The following TEX36 variants were observed in gnomAD, a reference collection of about 807,000 sequenced individuals.
The protein encoded by TEX36 is testis expressed 36, also known as testis-expressed protein 36.
In TEX36, 12 loss-of-function variants were observed where a neutral mutation model predicts 13.6. That is an observed-to-expected ratio of 0.88 (90% CI 0.56 to 1.43). The LOEUF (loss-of-function observed/expected upper bound fraction) is 1.43. Ranked by LOEUF, TEX36 falls within the 40% of genes most tolerant of loss-of-function variation. TEX36 has a pLI of 0.00. For synonymous variants in TEX36, 93 were observed against 83.0 expected (o/e 1.12, Z -0.65); for missense variants, 224 against 228.3 (o/e 0.98, Z 0.12).
intron 3 of TEX36, among the ~76,000 whole-genome samples, chr10:125,641,882 T>A (rs975791088): frequency 1.3e-5 from 2 of 152,226 alleles, no homozygotes; most frequent in Non-Finnish European, 2.9e-5. Context: ...TTGAGAATTG[T>A]GAGGTGGTTG....
At chr10:125,585,125 T>C (rs1482500318) in intron 3 of TEX36, among the ~76,000 whole-genome samples, 1 of 152,170 alleles carries the variant, frequency 6.6e-6, no homozygotes, top group African/African-American at 2.4e-5. Context: ...ACAAATGCTG[T>C]GTGATGAGTC....
chr10:125,630,050 AG>A (rs1416229925), intron 3 of TEX36, among the ~76,000 whole-genome samples: 1 of 152,246 alleles, frequency 6.6e-6, no homozygotes, highest in Non-Finnish European at 1.5e-5. Flanking sequence ...GCCAAGCCAT[AG>A]GGCCTAGTCC....
chr10:125,626,661 T>A (rs1479449129), intron 3 of TEX36, among the ~76,000 whole-genome samples: 1 of 152,040 alleles, frequency 6.6e-6, no homozygotes, highest in African/African-American at 2.4e-5. Context: ...ACAGAGGCCA[T>A]GAAGTGGGGA....
chr10:125,653,319 GAGTT>G (rs1172990848), downstream of TEX36, among the ~76,000 whole-genome samples: 3 of 152,210 alleles, frequency 2.0e-5, no homozygotes, highest in Admixed American at 2.0e-4. Context: ...AAAAAAGGAT[GAGTT>G]CATGTCCTTT....
At chr10:125,598,166 TAA>T (rs567430231) in intron 3 of TEX36, among the ~76,000 whole-genome samples, 62 of 152,274 alleles carry the variant, frequency 4.1e-4, no homozygotes, top group Non-Finnish European at 6.5e-4. Flanking sequence ...ACAGGTTTCC[TAA>T]GTCTCCAGTG....
intron 3 of TEX36, among the ~76,000 whole-genome samples, chr10:125,615,446 A>T: frequency 6.6e-6 from 1 of 152,046 alleles, no homozygotes; most frequent in Non-Finnish European, 1.5e-5. Context: ...TATTATTTTG[A>T]GATACATCCC....
chr10:125,614,617 C>T (rs947062252), intron 3 of TEX36, among the ~76,000 whole-genome samples: 8 of 152,068 alleles, frequency 5.3e-5, no homozygotes, highest in African/African-American at 1.9e-4. Context: ...TTTCTGAGGG[C>T]TCTGTTCTGT....
At chr10:125,607,853 C>G (rs146235205) in intron 3 of TEX36, among the ~76,000 whole-genome samples, 52 of 152,260 alleles carry the variant, frequency 3.4e-4, no homozygotes, top group African/African-American at 1.2e-3. Context: ...AACTATAACC[C>G]TGTCTCGAGT....
intron 1 of TEX36, chr10:125,667,627 C>T: frequency 1.4e-6 from 1 of 722,312 alleles, no homozygotes; most frequent in Non-Finnish European, 2.6e-6. Flanking sequence ...CCTTGTCTAC[C>T]TTGCTGCCCC....
chr10:125,592,248 G>A (rs977409543), intron 3 of TEX36, among the ~76,000 whole-genome samples: 5 of 152,156 alleles, frequency 3.3e-5, no homozygotes, highest in African/African-American at 1.2e-4. Context: ...AGGAAAGCGA[G>A]GCTGGGGGTG....
intron 3 of TEX36, among the ~76,000 whole-genome samples, chr10:125,609,128 A>G (rs912504189): frequency 7.3e-5 from 11 of 150,344 alleles, no homozygotes; most frequent in South Asian, 4.2e-4. Context: ...GCACTCCAGC[A>G]TGGGCAACAG....
intron 3 of TEX36, among the ~76,000 whole-genome samples, chr10:125,580,231 T>C (rs995345382): frequency 6.6e-6 from 1 of 152,170 alleles, no homozygotes; most frequent in Non-Finnish European, 1.5e-5. Context: ...TAACACTCAT[T>C]AAAGTCAGGC....
At chr10:125,658,957 T>C (rs1666742192) in intron 3 of TEX36, among the ~76,000 whole-genome samples, 1 of 152,008 alleles carries the variant, frequency 6.6e-6, no homozygotes, top group Non-Finnish European at 1.5e-5. Flanking sequence ...TGAAAACAAA[T>C]TTTAAGGAAC....
chr10:125,649,311 C>T (rs1037838261), intron 3 of TEX36, among the ~76,000 whole-genome samples: 6 of 152,208 alleles, frequency 3.9e-5, no homozygotes, highest in Non-Finnish European at 7.3e-5. Flanking sequence ...GATCTCTTGG[C>T]AGAAACTCTA....
chr10:125,605,586 GTTTATTTATTTATTTA>G (rs56727269), intron 3 of TEX36, among the ~76,000 whole-genome samples: 5 of 151,274 alleles, frequency 3.3e-5, no homozygotes, highest in African/African-American at 1.2e-4. Context: ...GGTCCAAGAT[GTTTATTTATTTATTTA>G]TTTATTTATT....
Position 125,598,219 on chromosome 10 carries a change from G to A in TEX36, c.265-21345C>T, listed in dbSNP as rs117211638. On this transcript the variant is annotated intron_variant, in intron 3 of 3. Coordinates refer to the TEX36 transcript ENST00000532135. ...CGTTCTCTGGCCTGTCTTTGAAGACGCTGCTGATATAATGCACATTTGTTG... is the reference window on the plus strand; with the variant it reads ...CGTTCTCTGGCCTGTCTTTGAAGACACTGCTGATATAATGCACATTTGTTG... 7.5e-3 allele frequency among the ~76,000 whole-genome samples: 1,141 copies of A among 152,302 alleles called. 6 individuals are homozygous for A. Among genetic ancestry groups the A allele is most frequent in the Admixed American group, 0.022 (336 of 15,298 alleles).
chr10:125,618,820 G>A (rs1475370688), downstream of TEX36, among the ~76,000 whole-genome samples: 5 of 151,726 alleles, frequency 3.3e-5, no homozygotes, highest in Non-Finnish European at 7.4e-5. Context: ...AAAGAGATAA[G>A]CCTTGGCCAG....
chr10:125,644,355 C>T (rs1033429607), intron 3 of TEX36, among the ~76,000 whole-genome samples: 8 of 151,270 alleles, frequency 5.3e-5, no homozygotes, highest in South Asian at 2.1e-4. Flanking sequence ...GACACATTCT[C>T]GAAGAACATG....
At chr10:125,669,230 G>T (rs1316183752) in intron 1 of TEX36, among the ~76,000 whole-genome samples, 2 of 152,196 alleles carry the variant, frequency 1.3e-5, no homozygotes, top group East Asian at 1.9e-4. Context: ...GGCGGAGGTT[G>T]CAGTGAGCAG....
Sources: allele counts gnomAD v4.1 joint callset (sites outside exome capture counted in the v4.1 genomes callset), GRCh38; gene constraint gnomAD v4.1.1; transcripts MANE v1.5; gene names NCBI Gene and HGNC (gene_info 2026-07-23, HGNC 2026-07-21).